SYNE1: variants seen among roughly 807,000 people sequenced by gnomAD.
The protein encoded by SYNE1 is spectrin repeat containing nuclear envelope protein 1.
Under a neutral mutation model 1,111.0 loss-of-function variants are expected in SYNE1, and 616 were observed. That is an observed-to-expected ratio of 0.55 (90% CI 0.52 to 0.59). The LOEUF (loss-of-function observed/expected upper bound fraction) is 0.59, where lower values mean the gene tolerates loss of function less well. Among genes scored for constraint, SYNE1 ranks in the 20% least tolerant of loss-of-function variants. The pLI is 0.00. For missense variants in SYNE1, 10,006 were observed against 10,417.0 expected, an observed-to-expected ratio of 0.96 and a Z score of 1.72; for synonymous variants, 3,855 against 3,825.8, an observed-to-expected ratio of 1.01 and a Z score of -0.28.
intron 95 of SYNE1, among the ~76,000 whole-genome samples, chr6:152,289,658 G>C (rs972348815): frequency 6.6e-6 from 1 of 151,998 alleles, no homozygotes; most frequent in African/African-American, 2.4e-5. Flanking sequence ...ACGGAGTCTC[G>C]CTCTGTCGCT....
chr6:152,177,305 C>T (rs961657952), intron 129 of SYNE1, among the ~76,000 whole-genome samples: 6 of 152,066 alleles, frequency 3.9e-5, no homozygotes, highest in Admixed American at 6.6e-5. Context: ...ATTTAACTGA[C>T]GATGAAAGGA....
chr6:152,299,792 G>C (rs374436213), intron 93 of SYNE1, among the ~76,000 whole-genome samples: 1 of 151,824 alleles, frequency 6.6e-6, no homozygotes, highest in Non-Finnish European at 1.5e-5. Context: ...TATAATACAG[G>C]TTATAAAACA....
rs1281463404 is a variant in SYNE1 at position 152,395,021 on chromosome 6, G to A, written c.7712+495C>T. On this transcript the variant is annotated intron_variant, in intron 51 of 145. Transcript: ENST00000367255. Reference sequence around the variant, plus strand: ...TGGTCTCGAACTTCTGACCTCAGGTGATCTGCCTGCCTCGGCCTCCCAAAG... The same window carrying A: ...TGGTCTCGAACTTCTGACCTCAGGTAATCTGCCTGCCTCGGCCTCCCAAAG... Among the ~76,000 whole-genome samples, 3 of 152,044 alleles carry A rather than the reference G, an allele frequency of 2.0e-5. No homozygotes were observed. The East Asian group carries it at 5.8e-4, about 29-fold the overall frequency.
Position 152,399,827 on chromosome 6 carries a change from C to G in SYNE1, c.7030-4G>C, listed in dbSNP as rs112853992. ...TTTGAAGTTCTTTTTGTATATCCTACAGAATAAAAGTATATTATGAAGGAT... is the reference window on the plus strand; with the variant it reads ...TTTGAAGTTCTTTTTGTATATCCTAGAGAATAAAAGTATATTATGAAGGAT... On this transcript the variant is annotated splice_polypyrimidine_tract_variant and splice_region_variant and intron_variant, in intron 47 of 145. Coordinates refer to ENST00000367255, the MANE Select transcript of SYNE1 (RefSeq NM_182961.4). 6.2e-7 allele frequency: 1 copy of G among 1,613,356 alleles called. No individual in the cohort carries two copies. Among genetic ancestry groups the G allele is most frequent in the Admixed American group, 1.7e-5 (1 of 59,970 alleles).
chr6:152,564,653 CA>C (rs917803142), intron 3 of SYNE1, among the ~76,000 whole-genome samples: 1 of 151,994 alleles, frequency 6.6e-6, no homozygotes, highest in Non-Finnish European at 1.5e-5. Flanking sequence ...TGTTAACCCC[CA>C]AAAGTTTGCT....
rs1171999174 is a variant in SYNE1, at chr6:152,435,932, A to G, written c.4310+9T>C. Reference sequence around the variant, plus strand: ...AGAGAAGAAAGTTTAGGACTTGTCAATCACATACTCTTCTTCAAGCGTGTC... The same window carrying G: ...AGAGAAGAAAGTTTAGGACTTGTCAGTCACATACTCTTCTTCAAGCGTGTC... On this transcript the variant is annotated intron_variant, in intron 33 of 145. Coordinates refer to ENST00000367255, the MANE Select transcript of SYNE1 (RefSeq NM_182961.4). 18 of 1,613,974 alleles carry G rather than the reference A, an allele frequency of 1.1e-5. No homozygotes were observed. Among genetic ancestry groups the G allele is most frequent in the Non-Finnish European group, 1.4e-5 (16 of 1,180,012 alleles).
chr6:152,482,295 G>A lies in SYNE1; in HGVS notation c.1350+790C>T, dbSNP rs2098909617. Among the ~76,000 whole-genome samples the A allele has an allele frequency of 3.3e-5, 5 of 152,220 alleles. No individual in the cohort carries two copies. In the South Asian group the frequency reaches 1.0e-3, roughly 32 times the overall value. On this transcript the variant is annotated intron_variant, in intron 14 of 145. Transcript: ENST00000367255. ...TAAATTTGCTTTATGATCTTGTCTA[G>A]AATACAGGACAGTGTATTTCCTTGG...
At chr6:152,350,386 C>A in intron 71 of SYNE1, 51 bp from the exon 72 acceptor site, 1 of 1,612,432 alleles carries the variant, frequency 6.2e-7, no homozygotes, top group South Asian at 1.1e-5. Flanking sequence ...AAAACCTACT[C>A]AAAACTGTTT....
rs2098919455 is a variant in SYNE1 at position 152,483,322 on chromosome 6, T to C, written c.1186-73A>G. 1.2e-5 allele frequency: 15 copies of C among 1,236,898 alleles called. No homozygotes were observed. The South Asian group carries it at 1.7e-4, about 14-fold the overall frequency. The allele number at this position is 1,236,898 out of a possible 1,614,324, so 76.6% of individuals were successfully genotyped here. ...AATTTATAAAATTGCACCCAAATAA[T>C]AGTAAAGCATACATAAAGCTTTAAG... is the stretch of plus-strand genomic sequence containing the variant. On this transcript the variant is annotated intron_variant, in intron 13 of 145. Coordinates refer to ENST00000367255, the MANE Select transcript of SYNE1 (RefSeq NM_182961.4).
intron 6 of SYNE1, among the ~76,000 whole-genome samples, chr6:152,513,213 G>A (rs940023689): frequency 3.3e-5 from 5 of 152,148 alleles, no homozygotes; most frequent in African/African-American, 1.2e-4. Flanking sequence ...AGGCTTGAAT[G>A]GAATGAATTA....
Position 152,534,166 on chromosome 6 carries a change from A to T in SYNE1, c.129+5794T>A, listed in dbSNP as rs12528602. Among the ~76,000 whole-genome samples, 64 of 146,752 alleles carry T rather than the reference A, an allele frequency of 4.4e-4. No homozygotes were observed. In the East Asian group the frequency reaches 0.011, roughly 24 times the overall value. On this transcript the variant is annotated intron_variant, in intron 4 of 145. Coordinates refer to ENST00000367255, the MANE Select transcript of SYNE1 (RefSeq NM_182961.4). ...GAGCAAGACTCTGTCTCAAAAAAATAAATAAATGAATGAATGAATGAATGA... is the reference window on the plus strand; with the variant it reads ...GAGCAAGACTCTGTCTCAAAAAAATTAATAAATGAATGAATGAATGAATGA...
chr6:152,611,538 A>G (rs965831997), intron 3 of SYNE1, among the ~76,000 whole-genome samples: 4 of 152,160 alleles, frequency 2.6e-5, no homozygotes, highest in Non-Finnish European at 5.9e-5. Flanking sequence ...ACTCCCACAG[A>G]ATAATAATGG....
In SYNE1 at chr6:152,208,132, C is replaced by T. The variant is rs149366576; in HGVS notation, c.22664G>A (p.Arg7555Gln). ...QGVIRRAQQR[R>Q]GIIDSQIRQW... Reference sequence around the variant, plus strand: ...GCGAATCTGGCTGTCAATGATCCCCCGCCTCTGCTGGGCCCTGCGAATCAC... The same window carrying T: ...GCGAATCTGGCTGTCAATGATCCCCTGCCTCTGCTGGGCCCTGCGAATCAC... Residue 7555 changes from arginine to glutamine, a missense_variant, in exon 125 of 146, where the codon CGG becomes CAG. This residue lies in a region of SYNE1 where 2,182 missense variants were observed against 2,287.8 expected (regional missense o/e 0.95). Coordinates refer to ENST00000367255, the MANE Select transcript of SYNE1 (RefSeq NM_182961.4). 8.7e-6 allele frequency: 14 copies of T among 1,613,982 alleles called. No homozygotes were observed. The highest frequency in any genetic ancestry group is 5.3e-5 in the African/African-American group (4 of 74,900).
At chr6:152,262,932 C>G (rs762496156) in intron 100 of SYNE1, among the ~76,000 whole-genome samples, 1 of 149,826 alleles carries the variant, frequency 6.7e-6, no homozygotes, top group Non-Finnish European at 1.5e-5. Context: ...TAGCACAGGA[C>G]ACGGGGAGAT....
rs780460827 is a variant in SYNE1, at chr6:152,368,991, G to A, written c.9788C>T (p.Ala3263Val). 15 of 1,614,020 alleles carry A rather than the reference G, an allele frequency of 9.3e-6. No individual in the cohort carries two copies. The highest frequency in any genetic ancestry group is 2.7e-5 in the African/African-American group (2 of 74,924). Residue 3263 changes from alanine to valine, a missense_variant, in exon 61 of 146, where the codon GCG becomes GTG. By Grantham distance (64) the Ala-to-Val change is moderately conservative. This residue lies in a region of SYNE1 where 4,955 missense variants were observed against 5,017.2 expected (regional missense o/e 0.99). Transcript: ENST00000367255. ...CGTTACCTTTGTTAAATTGCTTAGC[G>A]CTAGATACTGAGAAGACAGCTGCGA... ...RVSQLSSQYL[A>V]LSNLTKEKVS...
intron 121 of SYNE1, among the ~76,000 whole-genome samples, chr6:152,217,427 T>C (rs1052356841): frequency 6.6e-6 from 1 of 150,980 alleles, no homozygotes; most frequent in African/African-American, 2.4e-5. Context: ...AATTATTAAA[T>C]TATTTTTGAT....
intron 51 of SYNE1, among the ~76,000 whole-genome samples, chr6:152,393,759 G>C (rs1369040085): frequency 6.6e-6 from 1 of 152,108 alleles, no homozygotes; most frequent in Non-Finnish European, 1.5e-5. Context: ...AGGAATACTG[G>C]GCATGTTTGA....
chr6:152,360,900 CAG>C lies in SYNE1; in HGVS notation c.10299+1268_10299+1269del, dbSNP rs2096920387. Among the ~76,000 whole-genome samples, 8 of 152,122 alleles carry C rather than the reference CAG, an allele frequency of 5.3e-5. No homozygotes were observed. The South Asian group carries it at 1.7e-3, about 32-fold the overall frequency. ...TATTCAGCGTGTGTTCTGTGTCAGA[CAG>C]AGAGCCAAGTGTTGAGGATATAAAG... On this transcript the variant is annotated intron_variant, in intron 64 of 145. Transcript: ENST00000367255.
chr6:152,298,438 T>A (rs575451660), intron 93 of SYNE1, among the ~76,000 whole-genome samples: 2 of 152,212 alleles, frequency 1.3e-5, no homozygotes, highest in Non-Finnish European at 2.9e-5. Context: ...TATTTCTACC[T>A]TCAAGTAAGC....
Sources: gnomAD v4.1 joint callset for allele counts (sites outside exome capture counted in the v4.1 genomes callset) on GRCh38, gnomAD v4.1.1 for gene constraint, gnomAD v4.1.1 regional missense constraint, MANE v1.5 for transcripts, NCBI Gene and HGNC (gene_info 2026-07-23, HGNC 2026-07-21) for gene names.